Variants in CD163L1 observed in about 807,000 individuals in gnomAD.
CD163L1 encodes CD163 molecule like 1.
A neutral mutation model predicts 165.4 loss-of-function variants in CD163L1; 124 were observed. The ratio of observed to expected loss-of-function variants is 0.75; its 90% confidence interval spans 0.65 to 0.87. The LOEUF (loss-of-function observed/expected upper bound fraction) is 0.87. CD163L1 is among the 40% of genes least tolerant of loss of function. The probability of loss-of-function intolerance (pLI) is 0.00; values close to 1 mark genes in which losing one functional copy is unlikely to be tolerated. For synonymous variants in CD163L1, 585 were observed against 662.2 expected (o/e 0.88, Z 1.79); for missense variants, 1,525 against 1,799.9 (o/e 0.85, Z 2.76).
At chr12:7,428,348 A>C (rs1311418244) in intron 4 of CD163L1, among the ~76,000 whole-genome samples, 3 of 152,060 alleles carry the variant, frequency 2.0e-5, no homozygotes, top group Non-Finnish European at 4.4e-5. Flanking sequence ...TGTTCTTTAG[A>C]TGGCATGTAT....
the CD163L1 span, among the ~76,000 whole-genome samples, chr12:7,325,413 G>A: frequency 6.6e-6 from 1 of 152,214 alleles, no homozygotes; most frequent in Admixed American, 6.5e-5. Context: ...TTGGGAGGCC[G>A]AGGTGGGTGG....
rs1947222250 is a variant in CD163L1 at position 7,374,650 on chromosome 12, C to T, written c.3201G>A (p.Leu1067=). Residue 1067 remains leucine (L), a synonymous_variant, in exon 13 of 20, where the codon CTG becomes CTA. Transcript: ENST00000313599. This position sits in a 1 kb window ranked among gnomAD's most constrained non-coding sequence, Gnocchi z 5.4. ...TTTGACACACCACGTGGGCATCGCT[C>T]AGGTCCCAGCCGTCATCACAGATGG... ...WGTICDDGWD[L]SDAHVVCQKL... 6.2e-7 allele frequency: 1 copy of T among 1,614,110 alleles called. No individual in the cohort carries two copies. The highest frequency in any genetic ancestry group is 1.3e-5 in the African/African-American group (1 of 74,938).
chr12:7,344,254 A>AT (rs1387968021), downstream of CD163L1, among the ~76,000 whole-genome samples: 1 of 151,362 alleles, frequency 6.6e-6, no homozygotes, highest in Non-Finnish European at 1.5e-5. Flanking sequence ...CTAATTTTTT[A>AT]TTTTTTTGCA....
At chr12:7,437,530 C>T (rs1250974193) in intron 2 of CD163L1, among the ~76,000 whole-genome samples, 1 of 151,828 alleles carries the variant, frequency 6.6e-6, no homozygotes, top group Non-Finnish European at 1.5e-5. Flanking sequence ...GTTCCCCACC[C>T]TGTGTCCAAG....
the CD163L1 span, among the ~76,000 whole-genome samples, chr12:7,330,756 G>A: frequency 6.6e-6 from 1 of 152,342 alleles, no homozygotes; most frequent in South Asian, 2.1e-4. Context: ...CCTTCATGCT[G>A]AAGTCCAAGT....
Position 7,375,263 on chromosome 12 carries a change from T to C in CD163L1, c.3001+18A>G, listed in dbSNP as rs775808205. ...GGGCTATATTGACAGTAGTTAACCA[T>C]AAGCACTATTCTCTTACCTGTGCAG... On this transcript the variant is annotated intron_variant, in intron 11 of 19. Transcript: ENST00000313599. The C allele has an allele frequency of 3.8e-5, 61 of 1,611,298 alleles. No homozygotes were observed. The highest frequency in any genetic ancestry group is 4.9e-5 in the Non-Finnish European group (58 of 1,178,186).
intron 4 of CD163L1, among the ~76,000 whole-genome samples, chr12:7,423,141 G>A (rs994976367): frequency 6.6e-6 from 1 of 152,112 alleles, no homozygotes; most frequent in Non-Finnish European, 1.5e-5. Flanking sequence ...TCAGGCCACT[G>A]TGCAATCAAA....
intron 4 of CD163L1, among the ~76,000 whole-genome samples, chr12:7,409,278 A>T (rs985911833): frequency 6.6e-6 from 1 of 152,184 alleles, no homozygotes; most frequent in African/African-American, 2.4e-5. Context: ...TAATTTATGT[A>T]AAATCTGCCT....
At chr12:7,364,579 C>T (rs1357966523) in intron 18 of CD163L1, among the ~76,000 whole-genome samples, 1 of 152,056 alleles carries the variant, frequency 6.6e-6, no homozygotes, top group African/African-American at 2.4e-5. Flanking sequence ...CTAATAAATA[C>T]ATTCAGTAAA....
At chr12:7,332,434 G>C in the CD163L1 span, among the ~76,000 whole-genome samples, 1 of 150,810 alleles carries the variant, frequency 6.6e-6, no homozygotes, top group African/African-American at 2.4e-5. Context: ...TACAGAGAAC[G>C]CCACAAAGAT....
rs923753669 is a variant in CD163L1, at chr12:7,432,068, G to A, written c.766+348C>T. On this transcript the variant is annotated intron_variant, in intron 4 of 19. Transcript: ENST00000313599. This position sits in a 1 kb window ranked among gnomAD's most constrained non-coding sequence, Gnocchi z 4.2. ...GTAGCTGGAAAGAATTAGTAAAGTG[G>A]GGAAACTAGACTAAGAATGAGTGAC... is the stretch of plus-strand genomic sequence containing the variant. Among the ~76,000 whole-genome samples the A allele has an allele frequency of 2.6e-5, 4 of 152,048 alleles. No homozygotes were observed. Among genetic ancestry groups the A allele is most frequent in the African/African-American group, 9.7e-5 (4 of 41,394 alleles).
At chr12:7,331,311 C>T in the CD163L1 span, among the ~76,000 whole-genome samples, 1 of 152,232 alleles carries the variant, frequency 6.6e-6, no homozygotes, top group Non-Finnish European at 1.5e-5. Flanking sequence ...GTGGAGCCCA[C>T]CACAGCTCCA....
intron 4 of CD163L1, among the ~76,000 whole-genome samples, chr12:7,349,944 C>T (rs1162835672): frequency 6.6e-6 from 1 of 152,082 alleles, no homozygotes; most frequent in African/African-American, 2.4e-5. Context: ...ATTACCCATA[C>T]CCCCTCTTCC....
At chr12:7,379,509 C>A (rs1051217739) in intron 8 of CD163L1, among the ~76,000 whole-genome samples, 1 of 152,056 alleles carries the variant, frequency 6.6e-6, no homozygotes. Context: ...CAAAAGTACA[C>A]CAAGGTATGT....
intron 4 of CD163L1, among the ~76,000 whole-genome samples, chr12:7,407,225 T>C (rs1006233518): frequency 1.3e-4 from 20 of 152,174 alleles, no homozygotes; most frequent in Non-Finnish European, 2.4e-4. Flanking sequence ...TAGAACTTAA[T>C]AACTGTGTAT....
chr12:7,416,267 G>C (rs926788376), intron 4 of CD163L1, among the ~76,000 whole-genome samples: 2 of 151,926 alleles, frequency 1.3e-5, no homozygotes, highest in Non-Finnish European at 2.9e-5. Context: ...CTTTTTGATG[G>C]GCTGGTTTGC....
exon 5 of CD163L1, chr12:7,346,854 CT>C (rs1946673842): frequency 1.3e-5 from 2 of 152,318 alleles, no homozygotes; most frequent in South Asian, 4.1e-4. Flanking sequence ...ACAAGTCTCT[CT>C]GGTGGAAGCG....
At chr12:7,324,520 AGTG>A in the CD163L1 span, 3 of 1,613,968 alleles carry the variant, frequency 1.9e-6, 1 homozygote, top group South Asian at 3.3e-5. Flanking sequence ...GGCCATTTGA[AGTG>A]GAGAGTGCAC....
rs1947265998 is a variant in CD163L1 at position 7,376,013 on chromosome 12, G to A, written c.2373C>T (p.Ala791=). 1 of 1,611,154 alleles carries A rather than the reference G, an allele frequency of 6.2e-7. No individual in the cohort carries two copies. The highest frequency in any genetic ancestry group is 1.3e-5 in the African/African-American group (1 of 74,742). Residue 791 remains alanine, a splice_region_variant and synonymous_variant, in exon 10 of 20, where the codon GCC becomes GCT. Coordinates refer to ENST00000313599, the MANE Select transcript of CD163L1 (RefSeq NM_174941.6). ...LNMEASLICS[A]HRQPRLVGAD... Reference sequence around the variant, plus strand: ...CTCCAACCAGCCTGGGCTGCCTGTGGGCTATAAAATAATATTTCAAAGGTT... The same window carrying A: ...CTCCAACCAGCCTGGGCTGCCTGTGAGCTATAAAATAATATTTCAAAGGTT...
Sources: gnomAD v4.1 joint callset for allele counts (sites outside exome capture counted in the v4.1 genomes callset) on GRCh38, gnomAD v4.1.1 for gene constraint, Gnocchi (gnomAD v3.1) non-coding constraint, MANE v1.5 for transcripts, NCBI Gene and HGNC (gene_info 2026-07-23, HGNC 2026-07-21) for gene names.